CHD1L: variants seen among roughly 807,000 people sequenced by gnomAD.
CHD1L encodes the protein ATP-dependent chromatin remodeler CHD1L.
CHD1L carries 118 observed loss-of-function variants against 115.9 expected under a neutral mutation model. That is an observed-to-expected ratio of 1.02 (90% confidence interval 0.88 to 1.19). CHD1L has a LOEUF of 1.19. Among genes scored for constraint, CHD1L ranks in the 50% most tolerant of loss-of-function variants. The pLI is 0.00. For missense variants in CHD1L, 1,179 were observed against 1,065.3 expected (o/e 1.11, Z -1.49); for synonymous variants, 411 against 387.1 (o/e 1.06, Z -0.72).
the CHD1L span, chr1:147,204,171 C>T: frequency 2.3e-6 from 3 of 1,295,256 alleles, no homozygotes; most frequent in East Asian, 2.3e-5. Flanking sequence ...AACACTGTTC[C>T]CTTAGTTTCT....
intron 5 of CHD1L, chr1:147,259,119 C>T (rs1467607389): frequency 2.0e-5 from 3 of 152,020 alleles, no homozygotes; most frequent in African/African-American, 7.2e-5. Context: ...ATATCTTTTT[C>T]TGTATTTTGA....
chr1:147,259,041 TATTG>T (rs1671047868), intron 5 of CHD1L: 1 of 152,236 alleles, frequency 6.6e-6, no homozygotes, highest in East Asian at 1.9e-4. Flanking sequence ...TACTACCTAT[TATTG>T]GACATTTAGG....
chr1:147,260,035 A>C (rs1328378977), intron 6 of CHD1L, 117 bp downstream of exon 6: 2 of 746,414 alleles, frequency 2.7e-6, no homozygotes, highest in East Asian at 5.6e-5. Flanking sequence ...GATGTTTCCC[A>C]TGCATATGTC....
In CHD1L at chr1:147,276,052, C is replaced by T; in HGVS notation, c.1386-52C>T. ...GATGTATTTACCTTGCATACTTTTG[C>T]CCAGCTTTGCACACCCTTATAGCAC... On this transcript the variant is annotated intron_variant, in intron 13 of 22. Coordinates refer to ENST00000369258, the MANE Select transcript of CHD1L (RefSeq NM_004284.6). 13 of 1,572,088 alleles carry T rather than the reference C, an allele frequency of 8.3e-6. No individual in the cohort carries two copies. The South Asian group carries it at 1.5e-4, about 18-fold the overall frequency.
chr1:147,241,375 C>T (rs899112416), upstream of CHD1L, among the ~76,000 whole-genome samples: 3 of 152,160 alleles, frequency 2.0e-5, no homozygotes, highest in Admixed American at 6.5e-5. Context: ...TCAAAAAGCT[C>T]CCCTACCGAG....
At chr1:147,264,798 G>T (rs1403715558) in intron 7 of CHD1L, among the ~76,000 whole-genome samples, 2 of 152,212 alleles carry the variant, frequency 1.3e-5, no homozygotes, top group African/African-American at 2.4e-5. Flanking sequence ...ATTTGATTCT[G>T]CAGTAGGGCT....
the CHD1L span, among the ~76,000 whole-genome samples, chr1:147,221,726 C>G: frequency 6.0e-3 from 914 of 152,354 alleles, 13 homozygotes; most frequent in African/African-American, 0.021. Flanking sequence ...GTTGGGATCA[C>G]TGAGTGAAAT....
At chr1:147,271,964 C>G (rs1262560904) in intron 11 of CHD1L, among the ~76,000 whole-genome samples, 1 of 152,116 alleles carries the variant, frequency 6.6e-6, no homozygotes, top group African/African-American at 2.4e-5. Context: ...TTAAAAAATC[C>G]AGAGGAGTAT....
At chr1:147,216,967 G>A in the CHD1L span, among the ~76,000 whole-genome samples, 8 of 152,304 alleles carry the variant, frequency 5.3e-5, no homozygotes, top group Non-Finnish European at 7.4e-5. Flanking sequence ...GAGGCCGGGC[G>A]TGGTGGCTCA....
At chr1:147,282,151 C>G (rs1553962361) in intron 15 of CHD1L, among the ~76,000 whole-genome samples, 1 of 152,202 alleles carries the variant, frequency 6.6e-6, no homozygotes, top group Non-Finnish European at 1.5e-5. Context: ...GAGGGCAGCT[C>G]TGGCATGGGC....
At chr1:147,275,234 A>T (rs1471844158) in intron 12 of CHD1L, 120 bp from the exon 13 acceptor site, 14 of 747,426 alleles carry the variant, frequency 1.9e-5, no homozygotes, top group Admixed American at 7.8e-5. Flanking sequence ...CATTTGAAGG[A>T]TGAAGCCAAT....
chr1:147,280,326 T>A, intron 15 of CHD1L, 135 bp downstream of exon 15: 1 of 849,730 alleles, frequency 1.2e-6, no homozygotes, highest in South Asian at 2.9e-5. Flanking sequence ...GGGCACACTG[T>A]TTAAGACTTG....
chr1:147,268,262 CCT>C (rs1674747921), intron 9 of CHD1L, among the ~76,000 whole-genome samples: 1 of 151,848 alleles, frequency 6.6e-6, no homozygotes, highest in South Asian at 2.1e-4. Context: ...TTTTTGATTC[CCT>C]GATTGGTAAC....
chr1:147,275,947 C>CT (rs767668582), intron 13 of CHD1L, among the ~76,000 whole-genome samples, 157 bp from the exon 14 acceptor site: 2 of 152,190 alleles, frequency 1.3e-5, no homozygotes, highest in Non-Finnish European at 2.9e-5. Context: ...CGAGTTCTCT[C>CT]TAACAAGTGC....
At chr1:147,268,682 A>G in intron 9 of CHD1L, 100 bp from the exon 10 acceptor site, 2 of 838,442 alleles carry the variant, frequency 2.4e-6, no homozygotes, top group Non-Finnish European at 4.0e-6. Context: ...GCAAACAACT[A>G]CTTATATGAT....
chr1:147,219,994 C>A, the CHD1L span, among the ~76,000 whole-genome samples: 21,772 of 151,888 alleles, frequency 0.14, 1,535 homozygotes, highest in South Asian at 0.18. Flanking sequence ...GCATGCCACC[C>A]TGCCCAGCTA....
chr1:147,176,309 TC>T, the CHD1L span: 5,610 of 152,288 alleles, frequency 0.037, 147 homozygotes, highest in South Asian at 0.095. Flanking sequence ...TACAGAATTT[TC>T]CCCAAATAGT....
At chr1:147,178,696 G>A in the CHD1L span, 3 of 1,575,400 alleles carry the variant, frequency 1.9e-6, no homozygotes, top group Non-Finnish European at 1.7e-6. Flanking sequence ...TCTGGTGAAC[G>A]AGTATGATGA....
rs1204133323 is a variant in CHD1L at position 147,276,219 on chromosome 1, C to T, written c.1501C>T (p.Leu501=). ...GATCATAGAAGGAGGCCATTTTACT[C>T]TGGGAGCCCAGAAACCCGCTGCCGA... is the stretch of plus-strand genomic sequence containing the variant. ...NMIIEGGHFT[L]GAQKPAADAD... is the part of the protein sequence containing the mutation. Residue 501 remains leucine, a synonymous_variant, in exon 14 of 23, where the codon CTG becomes TTG. Transcript: ENST00000369258. 18 of 1,614,180 alleles carry T rather than the reference C, an allele frequency of 1.1e-5. No individual in the cohort carries two copies. The highest frequency in any genetic ancestry group is 1.5e-5 in the Non-Finnish European group (18 of 1,180,022).
Sources: allele counts gnomAD v4.1 joint callset (sites outside exome capture counted in the v4.1 genomes callset), GRCh38; gene constraint gnomAD v4.1.1; transcripts MANE v1.5; gene names NCBI Gene and HGNC (gene_info 2026-07-23, HGNC 2026-07-21).